The following TULP4 variants were observed in gnomAD, a reference collection of about 807,000 sequenced individuals.
The protein encoded by TULP4 is TUB like protein 4.
In TULP4, 16 loss-of-function variants were observed where a neutral mutation model predicts 129.0. The observed-to-expected ratio is 0.12, with a 90% CI of 0.08 to 0.19. TULP4 has a LOEUF of 0.19. Among genes scored for constraint, TULP4 ranks in the 10% least tolerant of loss-of-function variants. The pLI is 1.00. For missense variants in TULP4, 1,842 were observed against 2,059.1 expected, an observed-to-expected ratio of 0.89 and a Z score of 2.04; for synonymous variants, 998 against 854.0, an observed-to-expected ratio of 1.17 and a Z score of -2.94.
At chr6:158,232,941 C>T (rs1777625260) in intron 1 of TULP4, among the ~76,000 whole-genome samples, 1 of 152,258 alleles carries the variant, frequency 6.6e-6, no homozygotes, top group East Asian at 1.9e-4. Context: ...GCTGTTTCCT[C>T]TGGCAAATCA....
chr6:158,315,730 A>ATTG (rs1779472437), intron 1 of TULP4, among the ~76,000 whole-genome samples: 1 of 152,230 alleles, frequency 6.6e-6, no homozygotes, highest in East Asian at 1.9e-4. Flanking sequence ...TCCAAGATCA[A>ATTG]GATGTTAGCA....
At chr6:158,464,733 G>A (rs1027962360) in intron 6 of TULP4, among the ~76,000 whole-genome samples, 6 of 152,190 alleles carry the variant, frequency 3.9e-5, no homozygotes, top group Middle Eastern at 3.2e-3. Flanking sequence ...AACTACTTAA[G>A]TAGCAGGCTT....
chr6:158,509,219 A>G lies in TULP4; in HGVS notation c.*2525A>G, dbSNP rs2128269846. 1 of 152,138 alleles carries G rather than the reference A, an allele frequency of 6.6e-6. No homozygotes were observed. Among genetic ancestry groups the G allele is most frequent in the South Asian group, 2.1e-4 (1 of 4,822 alleles). The allele number at this position is 152,138 out of a possible 1,614,324, so 9.4% of individuals were successfully genotyped here. A position where few individuals can be genotyped will look rare whatever the true frequency, so the allele number is the denominator to read the frequency against. On this transcript the variant is annotated 3_prime_UTR_variant, in exon 14 of 14. Coordinates refer to ENST00000367097, the MANE Select transcript of TULP4 (RefSeq NM_020245.5). ...GAAGGTTTTTTGCTGGATAATTTGTAACTTTTCTAATTGGGAAAAAATTCC... is the reference window on the plus strand; with the variant it reads ...GAAGGTTTTTTGCTGGATAATTTGTGACTTTTCTAATTGGGAAAAAATTCC...
intron 3 of TULP4, among the ~76,000 whole-genome samples, chr6:158,431,290 C>A (rs531422865): frequency 5.8e-4 from 88 of 152,248 alleles, no homozygotes; most frequent in African/African-American, 2.0e-3. Context: ...CCTGCCTAAT[C>A]CCCAGGGCTT....
intron 1 of TULP4, among the ~76,000 whole-genome samples, chr6:158,261,708 G>A (rs536880397): frequency 1.3e-5 from 2 of 152,348 alleles, no homozygotes; most frequent in Admixed American, 1.3e-4. Flanking sequence ...GACTGTTCAT[G>A]TAGCGGTCTG....
chr6:158,347,122 A>C (rs1339763628), intron 1 of TULP4, among the ~76,000 whole-genome samples: 3 of 152,230 alleles, frequency 2.0e-5, no homozygotes, highest in African/African-American at 7.2e-5. Flanking sequence ...ATTGATATTA[A>C]TAATGTGATC....
intron 1 of TULP4, among the ~76,000 whole-genome samples, chr6:158,374,667 A>G (rs1269508330): frequency 1.3e-5 from 2 of 151,562 alleles, no homozygotes; most frequent in East Asian, 1.9e-4. Context: ...TCCTTTTCCA[A>G]TAGCAGTATC....
upstream of TULP4, among the ~76,000 whole-genome samples, chr6:158,309,013 C>G (rs1160165579): frequency 2.1e-5 from 3 of 146,206 alleles, no homozygotes; most frequent in African/African-American, 7.6e-5. Flanking sequence ...CCGGACAGGG[C>G]GGCTGGCCTG....
intron 1 of TULP4, among the ~76,000 whole-genome samples, chr6:158,355,083 T>C (rs1780614424): frequency 6.6e-6 from 1 of 151,692 alleles, no homozygotes; most frequent in Admixed American, 6.6e-5. Context: ...TTGTTGTTGT[T>C]GTTTTTGAGA....
chr6:158,263,542 A>T (rs527887753), intron 1 of TULP4, among the ~76,000 whole-genome samples: 1 of 152,346 alleles, frequency 6.6e-6, no homozygotes, highest in East Asian at 1.9e-4. Flanking sequence ...CTAAATTAAT[A>T]GGTATTAAAT....
At chr6:158,307,973 C>G (rs970193041), upstream of TULP4, among the ~76,000 whole-genome samples, 5 of 151,862 alleles carry the variant, frequency 3.3e-5, no homozygotes, top group African/African-American at 1.2e-4. Flanking sequence ...CTAAATTTAA[C>G]TTGAAAGCTC....
intron 1 of TULP4, among the ~76,000 whole-genome samples, chr6:158,232,796 C>G (rs1465512113): frequency 2.0e-5 from 3 of 152,316 alleles, no homozygotes; most frequent in South Asian, 4.1e-4. Context: ...CCTCCCCTGC[C>G]GGACCAGTCT....
chr6:158,295,422 A>G (rs1779009695), intron 1 of TULP4, among the ~76,000 whole-genome samples: 1 of 152,186 alleles, frequency 6.6e-6, no homozygotes, highest in Admixed American at 6.5e-5. Context: ...AATGTAGTTC[A>G]CAGCTTGTTA....
chr6:158,410,547 C>T (rs1409966155), intron 1 of TULP4, among the ~76,000 whole-genome samples: 1 of 152,176 alleles, frequency 6.6e-6, no homozygotes, highest in African/African-American at 2.4e-5. Context: ...TTCTATTCCA[C>T]AGTGGCCATT....
At chr6:158,479,148 T>C (rs149834068) in intron 6 of TULP4, among the ~76,000 whole-genome samples, 4 of 152,264 alleles carry the variant, frequency 2.6e-5, no homozygotes, top group Non-Finnish European at 4.4e-5. Context: ...GATCTGACTC[T>C]GGACGGAAGG....
In TULP4 at chr6:158,503,503, C is replaced by T; in HGVS notation, c.3840C>T (p.Pro1280=). ...PPMQNPQGTL[P]PKPHLVVEKP... is the part of the protein sequence containing the mutation. ...TGCAGAACCCCCAGGGCACTCTCCC[C>T]CCAAAGCCACACTTGGTGGTGGAGA... Residue 1280 remains proline, a synonymous_variant, in exon 13 of 14, where the codon CCC becomes CCT. Transcript: ENST00000367097. This position sits in a 1 kb window ranked among gnomAD's most constrained non-coding sequence, Gnocchi z 4.3. 1 of 1,614,014 alleles carries T rather than the reference C, an allele frequency of 6.2e-7. No individual in the cohort carries two copies. Among genetic ancestry groups the T allele is most frequent in the Non-Finnish European group, 8.5e-7 (1 of 1,180,012 alleles).
At position 158,498,659 on chromosome 6, in the gene TULP4, T is replaced by TC. The variant is rs776187761; in HGVS notation, c.1871-6dup. The TC allele has an allele frequency of 2.5e-6, 4 of 1,614,138 alleles. No homozygotes were observed. The highest frequency in any genetic ancestry group is 2.2e-5 in the East Asian group (1 of 44,882). On this transcript the variant is annotated splice_polypyrimidine_tract_variant and intron_variant, in intron 11 of 13. Transcript: ENST00000367097. ...TCTCTGTTAACTGTGCCCTTCTTTT[T>TC]CCCCACCAGTAATCTATAAAACCAG...
intron 2 of TULP4, among the ~76,000 whole-genome samples, chr6:158,422,386 A>C (rs1393114013): frequency 6.6e-6 from 1 of 152,228 alleles, no homozygotes; most frequent in African/African-American, 2.4e-5. Context: ...ATGGTGCTGA[A>C]ACAACTGAAT....
chr6:158,260,856 T>C (rs1778340008), intron 1 of TULP4, among the ~76,000 whole-genome samples: 1 of 151,568 alleles, frequency 6.6e-6, no homozygotes, highest in Admixed American at 6.6e-5. Context: ...GTTTCGCTCT[T>C]GTTGCCCAGG....
Sources: gnomAD v4.1 joint callset for allele counts (sites outside exome capture counted in the v4.1 genomes callset) on GRCh38, gnomAD v4.1.1 for gene constraint, Gnocchi (gnomAD v3.1) non-coding constraint, MANE v1.5 for transcripts, NCBI Gene and HGNC (gene_info 2026-07-23, HGNC 2026-07-21) for gene names.